The following PTCHD4 variants were observed in gnomAD, a reference collection of about 807,000 sequenced individuals.
The protein encoded by PTCHD4 is patched domain-containing protein 4.
A neutral mutation model predicts 58.1 loss-of-function variants in PTCHD4; 33 were observed. The observed-to-expected ratio is 0.57, with a 90% CI of 0.43 to 0.76. PTCHD4 has a LOEUF of 0.76. PTCHD4 is among the 30% of genes least tolerant of loss of function. The probability of loss-of-function intolerance (pLI) is 0.00; values close to 1 mark genes in which losing one functional copy is unlikely to be tolerated. For synonymous variants in PTCHD4, 478 were observed against 409.6 expected (o/e 1.17, Z -2.02); for missense variants, 1,058 against 1,027.1 (o/e 1.03, Z -0.41).
At chr6:47,996,866 A>T (rs1241850421) in intron 4 of PTCHD4, among the ~76,000 whole-genome samples, 1 of 152,218 alleles carries the variant, frequency 6.6e-6, no homozygotes, top group Non-Finnish European at 1.5e-5. Flanking sequence ...TTAAAAGAAC[A>T]CATAATTTTA....
At chr6:48,060,723 C>T (rs1211067148) in intron 3 of PTCHD4, among the ~76,000 whole-genome samples, 1 of 152,206 alleles carries the variant, frequency 6.6e-6, no homozygotes, top group Non-Finnish European at 1.5e-5. Flanking sequence ...GATCCACCCA[C>T]CTCAGCCTCC....
In PTCHD4 at chr6:47,967,458, A is replaced by C. The variant is rs141880660; in HGVS notation, c.898+41176T>G. The stretch of plus-strand genomic sequence containing the variant: ...AATCAATGAGCATTGGCTTCAATTT[A>C]AAGTCACCAGCAATATCAGCCCTTA... On this transcript the variant is annotated intron_variant, in intron 4 of 4. Coordinates refer to ENST00000339488, the MANE Select transcript of PTCHD4 (RefSeq NM_001384253.1). Among the ~76,000 whole-genome samples the C allele has an allele frequency of 3.1e-3, 473 of 152,322 alleles. 4 individuals are homozygous for C. Among genetic ancestry groups the C allele is most frequent in the African/African-American group, 0.011 (442 of 41,572 alleles).
rs145129227 is a variant in PTCHD4 at position 47,986,003 on chromosome 6, C to T, written c.898+22631G>A. On this transcript the variant is annotated intron_variant, in intron 4 of 4. Coordinates refer to ENST00000339488, the MANE Select transcript of PTCHD4 (RefSeq NM_001384253.1). ...ATAGTATTGATATAATATATTAATA[C>T]AATATCATTACGTATGAAATTTATC... Among the ~76,000 whole-genome samples, 886 of 151,848 alleles carry T rather than the reference C, an allele frequency of 5.8e-3. 13 individuals are homozygous for T. Among genetic ancestry groups the T allele is most frequent in the Admixed American group, 8.4e-3 (129 of 15,272 alleles).
At chr6:47,928,074 C>T (rs1333916849) in intron 4 of PTCHD4, among the ~76,000 whole-genome samples, 2 of 152,054 alleles carry the variant, frequency 1.3e-5, no homozygotes, top group Non-Finnish European at 1.5e-5. Flanking sequence ...ATATAAACAC[C>T]TTGTGGCCCA....
chr6:47,919,572 C>T (rs1765368759), intron 4 of PTCHD4, among the ~76,000 whole-genome samples: 1 of 151,986 alleles, frequency 6.6e-6, no homozygotes, highest in Non-Finnish European at 1.5e-5. Context: ...TTACCAAAGC[C>T]CCAGGCCATG....
At chr6:47,914,338 C>T (rs1017212730) in intron 4 of PTCHD4, among the ~76,000 whole-genome samples, 1 of 152,020 alleles carries the variant, frequency 6.6e-6, no homozygotes, top group African/African-American at 2.4e-5. Context: ...GGATGAGATT[C>T]GCATTTGAAT....
intron 4 of PTCHD4, among the ~76,000 whole-genome samples, chr6:47,956,107 C>T (rs1337646447): frequency 6.6e-6 from 1 of 152,112 alleles, no homozygotes; most frequent in Admixed American, 6.5e-5. Flanking sequence ...CTGGAATATC[C>T]TTTTCATCAA....
chr6:47,913,704 A>T (rs1765139587), intron 4 of PTCHD4, among the ~76,000 whole-genome samples: 1 of 152,156 alleles, frequency 6.6e-6, no homozygotes, highest in South Asian at 2.1e-4. Flanking sequence ...ATTATTTTCT[A>T]ACCACTTCTC....
In PTCHD4 at chr6:47,877,259, A is replaced by G. The variant is rs1763871851; in HGVS notation, c.*1044T>C. Among the ~76,000 whole-genome samples the G allele has an allele frequency of 6.6e-6, 1 of 151,996 alleles. No homozygotes were observed. Among genetic ancestry groups the G allele is most frequent in the South Asian group, 2.1e-4 (1 of 4,824 alleles). On this transcript the variant is annotated 3_prime_UTR_variant, in exon 5 of 5. Transcript: ENST00000339488. The stretch of plus-strand genomic sequence containing the variant: ...ATGACAGTTATTTTCCCTATCTAAA[A>G]TAAGAACGGTGTAACTATGGAGTAC...
At chr6:47,962,993 C>G (rs1301287318) in intron 4 of PTCHD4, among the ~76,000 whole-genome samples, 6 of 151,648 alleles carry the variant, frequency 4.0e-5, no homozygotes, top group Admixed American at 6.6e-5. Context: ...AACTGCACCT[C>G]TCTTAAAATA....
At chr6:48,066,802 A>T (rs1582103478) in intron 3 of PTCHD4, among the ~76,000 whole-genome samples, 1 of 98,480 alleles carries the variant, frequency 1.0e-5, no homozygotes, top group South Asian at 3.1e-4. Flanking sequence ...CCATGTTAAG[A>T]AAAAAAAAAA....
intron 4 of PTCHD4, among the ~76,000 whole-genome samples, chr6:47,965,528 A>G: frequency 6.6e-6 from 1 of 152,234 alleles, no homozygotes; most frequent in East Asian, 1.9e-4. Context: ...ATTTTTAAAA[A>G]GAAAACTAAC....
At chr6:48,103,065 C>T (rs1765642178) in intron 1 of PTCHD4, among the ~76,000 whole-genome samples, 1 of 152,228 alleles carries the variant, frequency 6.6e-6, no homozygotes, top group Non-Finnish European at 1.5e-5. Context: ...ATAACCTCTG[C>T]AGTCTTAAAT....
chr6:47,930,277 A>G (rs1471020642), intron 4 of PTCHD4, among the ~76,000 whole-genome samples: 1 of 152,240 alleles, frequency 6.6e-6, no homozygotes, highest in African/African-American at 2.4e-5. Context: ...TACATTAAAT[A>G]ATTCCAAAGA....
intron 4 of PTCHD4, among the ~76,000 whole-genome samples, chr6:47,982,368 A>G (rs1175933840): frequency 2.0e-5 from 3 of 150,566 alleles, no homozygotes; most frequent in Admixed American, 6.6e-5. Flanking sequence ...GGTGCTTAAT[A>G]TTTTATCTCT....
chr6:47,862,166 T>C lies in PTCHD4; in HGVS notation c.*16137A>G, dbSNP rs1262006353. Among the ~76,000 whole-genome samples, 1 of 151,912 alleles carries C rather than the reference T, an allele frequency of 6.6e-6. No homozygotes were observed. Among genetic ancestry groups the C allele is most frequent in the Non-Finnish European group, 1.5e-5 (1 of 67,850 alleles). On this transcript the variant is annotated 3_prime_UTR_variant, in exon 5 of 5. Coordinates refer to ENST00000339488, the MANE Select transcript of PTCHD4 (RefSeq NM_001384253.1). ...TCTTTATTGTATAGGTATGACCAAG[T>C]TGGCCTTTAGGAGGCCTGATGGATT...
intron 4 of PTCHD4, among the ~76,000 whole-genome samples, chr6:47,938,601 TG>T (rs1283121159): frequency 6.6e-6 from 1 of 152,170 alleles, no homozygotes; most frequent in Non-Finnish European, 1.5e-5. Context: ...GTGAATGGAC[TG>T]GGGATGCATA....
intron 4 of PTCHD4, among the ~76,000 whole-genome samples, chr6:47,994,935 T>C (rs1438714049): frequency 1.3e-5 from 2 of 151,960 alleles, no homozygotes; most frequent in Non-Finnish European, 2.9e-5. Context: ...CTGAAATAAA[T>C]AACACAACCA....
At chr6:47,947,877 T>G (rs1766484644) in intron 4 of PTCHD4, among the ~76,000 whole-genome samples, 1 of 152,202 alleles carries the variant, frequency 6.6e-6, no homozygotes, top group Non-Finnish European at 1.5e-5. Context: ...TTGTTTCTGT[T>G]CTTTCCATCT....
Sources: allele counts gnomAD v4.1 joint callset (sites outside exome capture counted in the v4.1 genomes callset), GRCh38; gene constraint gnomAD v4.1.1; transcripts MANE v1.5; gene names NCBI Gene and HGNC (gene_info 2026-07-23, HGNC 2026-07-21).